MSH5: variants seen among roughly 807,000 people sequenced by gnomAD.
MSH5 encodes mutS protein homolog 5.
In MSH5, 78 loss-of-function variants were observed where a neutral mutation model predicts 107.7. The observed-to-expected ratio is 0.72, with a 90% CI of 0.60 to 0.87. The LOEUF is 0.87. Among genes scored for constraint, MSH5 ranks in the 40% least tolerant of loss-of-function variants. MSH5 has a pLI of 0.00. For synonymous variants in MSH5, 326 were observed against 399.5 expected (o/e 0.82, Z 2.19); for missense variants, 889 against 1,046.6 (o/e 0.85, Z 2.08).
intron 12 of MSH5, among the ~76,000 whole-genome samples, chr6:31,754,364 G>A (rs994928663): frequency 3.3e-5 from 5 of 152,088 alleles, no homozygotes; most frequent in African/African-American, 1.2e-4. Flanking sequence ...TGGCCAGGCT[G>A]GTCTCAAATT....
intron 10 of MSH5, among the ~76,000 whole-genome samples, 174 bp from the exon 11 acceptor site, chr6:31,753,127 T>C (rs1810111630): frequency 6.6e-6 from 1 of 152,242 alleles, no homozygotes; most frequent in Non-Finnish European, 1.5e-5. Context: ...TTTCAGTAGA[T>C]ACATGTAAAC....
rs1227414111 is a variant in MSH5, at chr6:31,761,407, T to C, written c.2038-65T>C. 6 of 1,606,886 alleles carry C rather than the reference T, an allele frequency of 3.7e-6. No homozygotes were observed. Among genetic ancestry groups the C allele is most frequent in the Admixed American group, 1.7e-5 (1 of 59,828 alleles). On this transcript the variant is annotated intron_variant, in intron 21 of 24. Coordinates refer to ENST00000375750, the MANE Select transcript of MSH5 (RefSeq NM_172166.4). This position sits in a 1 kb window ranked among gnomAD's most constrained non-coding sequence, Gnocchi z 5.3. ...TAGAACACGAGACAGGGAAAGGCAG[T>C]GCAAGTGCAGAGGGGCATATGGGGT... is the stretch of plus-strand genomic sequence containing the variant.
chr6:31,758,798 C>T lies in MSH5; in HGVS notation c.1249C>T (p.Leu417Phe), dbSNP rs1464099616. ...AAGACTGATGGGACTTCCCAGTTTC[C>T]TTACTGAGGTTGCCCGCAAGGAGCT... ...KRRLMGLPSF[L>F]TEVARKELEN... The change falls in exon 15 of 25, where the codon CTT (leucine) becomes TTT (phenylalanine). Residue 417 changes from leucine (L) to phenylalanine (F), a missense_variant. By Grantham distance (22) the Leu-to-Phe change is conservative (BLOSUM62 0). Around this residue, in one of 3 missense-constraint regions of MSH5, gnomAD observed 518 missense variants for 565.0 expected, o/e 0.92. Transcript: ENST00000375750. The surrounding 1 kb of genome is among the most constrained non-coding windows in gnomAD (Gnocchi z 5.1). 1 of 1,614,190 alleles carries T rather than the reference C, an allele frequency of 6.2e-7. No homozygotes were observed. Among genetic ancestry groups the T allele is most frequent in the South Asian group, 1.1e-5 (1 of 91,090 alleles).
Position 31,759,226 on chromosome 6 carries a change from C to T in MSH5, c.1407+49C>T. ...GTGAGTGATGAGGAAAATGAGTCAG[C>T]AGCTGAGGAAGAGCGTTACTCTACA... On this transcript the variant is annotated intron_variant, in intron 16 of 24. Coordinates refer to ENST00000375750, the MANE Select transcript of MSH5 (RefSeq NM_172166.4). This position sits in a 1 kb window ranked among gnomAD's most constrained non-coding sequence, Gnocchi z 4.7. 6.5e-7 allele frequency: 1 copy of T among 1,542,222 alleles called. No individual in the cohort carries two copies. The highest frequency in any genetic ancestry group is 1.1e-5 in the South Asian group (1 of 89,648).
At chr6:31,752,374 C>T (rs1482958169) in intron 10 of MSH5, among the ~76,000 whole-genome samples, 1 of 151,376 alleles carries the variant, frequency 6.6e-6, no homozygotes, top group Non-Finnish European at 1.5e-5. Context: ...CTACTGCACT[C>T]TAGCCTGGGC....
rs1245163682 is a variant in MSH5 at position 31,753,335 on chromosome 6, G to A, written c.847G>A (p.Glu283Lys). Residue 283 changes from glutamate (E) to lysine (K), a missense_variant, in exon 11 of 25, where the codon GAG (glutamate) becomes AAG (lysine). Transcript: ENST00000375750. ...WFTRPTHDLG[E>K]LSSRLDVIQF... is the part of the protein sequence containing the mutation. Reference sequence around the variant, plus strand: ...CACACGTCCGACTCATGACCTGGGGGAGCTCAGTTCTCGTCTGGACGTCAT... The same window carrying A: ...CACACGTCCGACTCATGACCTGGGGAAGCTCAGTTCTCGTCTGGACGTCAT... 5.6e-6 allele frequency: 9 copies of A among 1,614,068 alleles called. No homozygotes were observed. The highest frequency in any genetic ancestry group is 5.9e-6 in the Non-Finnish European group (7 of 1,179,962).
Position 31,759,239 on chromosome 6 carries a change from G to T in MSH5, c.1407+62G>T, listed in dbSNP as rs1346275776. 2 of 1,490,178 alleles carry T rather than the reference G, an allele frequency of 1.3e-6. No homozygotes were observed. The highest frequency in any genetic ancestry group is 4.5e-5 in the East Asian group (2 of 44,326). The allele number at this position is 1,490,178 out of a possible 1,614,324, so 92.3% of individuals were successfully genotyped here. On this transcript the variant is annotated intron_variant, in intron 16 of 24. Coordinates refer to ENST00000375750, the MANE Select transcript of MSH5 (RefSeq NM_172166.4). This position sits in a 1 kb window ranked among gnomAD's most constrained non-coding sequence, Gnocchi z 4.7. ...AAAATGAGTCAGCAGCTGAGGAAGA[G>T]CGTTACTCTACAGCAGCACTGCCCA...
At position 31,740,687 on chromosome 6, in the gene MSH5, G is replaced by A; in HGVS notation, c.147+74G>A. The A allele has an allele frequency of 1.4e-6, 2 of 1,410,936 alleles. No homozygotes were observed. The highest frequency in any genetic ancestry group is 3.0e-5 in the South Asian group (2 of 66,448). The allele number at this position is 1,410,936 out of a possible 1,614,324, so 87.4% of individuals were successfully genotyped here. A position where few individuals can be genotyped will look rare whatever the true frequency, so the allele number is the denominator to read the frequency against. On this transcript the variant is annotated intron_variant, in intron 2 of 24. Transcript: ENST00000375750. This position sits in a 1 kb window ranked among gnomAD's most constrained non-coding sequence, Gnocchi z 4.4. ...AATAAAAGAGGGTTGGGAGCCGGGC[G>A]CGGTGGCTCACACCTGTAATCTTAG...
chr6:31,740,420 G>A lies in MSH5; in HGVS notation c.-13-34G>A. 2 of 1,540,110 alleles carry A rather than the reference G, an allele frequency of 1.3e-6. No individual in the cohort carries two copies. The highest frequency in any genetic ancestry group is 8.8e-7 in the Non-Finnish European group (1 of 1,142,364). On this transcript the variant is annotated intron_variant, in intron 1 of 24. Transcript: ENST00000375750. The surrounding 1 kb of genome is among the most constrained non-coding windows in gnomAD (Gnocchi z 4.4). Reference sequence around the variant, plus strand: ...ACCCCGGCCTCCTCTGTGAATCGTTGCTTCCGAACCGCCCTCACTTTTTGC... The same window carrying A: ...ACCCCGGCCTCCTCTGTGAATCGTTACTTCCGAACCGCCCTCACTTTTTGC...
chr6:31,756,606 A>G (rs1467078152), intron 12 of MSH5: 1 of 152,150 alleles, frequency 6.6e-6, no homozygotes, highest in Non-Finnish European at 1.5e-5. Flanking sequence ...TAGAAATCAT[A>G]TAGAAATACA....
chr6:31,744,843 G>A (rs1809267442), intron 8 of MSH5, among the ~76,000 whole-genome samples: 1 of 152,100 alleles, frequency 6.6e-6, no homozygotes, highest in South Asian at 2.1e-4. Flanking sequence ...GCTGGGCGCG[G>A]TGGCTCATGC....
In MSH5 at chr6:31,740,547, G is replaced by A; in HGVS notation, c.81G>A (p.Pro27=). The A allele has an allele frequency of 6.5e-7, 1 of 1,529,298 alleles. No homozygotes were observed. The highest frequency in any genetic ancestry group is 8.8e-7 in the Non-Finnish European group (1 of 1,139,268). The allele number at this position is 1,529,298 out of a possible 1,614,324, so 94.7% of individuals were successfully genotyped here. A position where few individuals can be genotyped will look rare whatever the true frequency, so the allele number is the denominator to read the frequency against. The change falls in exon 2 of 25, where the codon CCG becomes CCA. Residue 27 remains proline, a synonymous_variant. Transcript: ENST00000375750. The surrounding 1 kb of genome is among the most constrained non-coding windows in gnomAD (Gnocchi z 4.4). The part of the protein sequence containing the change: ...PGAASSGFPS[P]APVPGPREAE... ...CGGCCTCCTCCGGCTTCCCCAGCCC[G>A]GCCCCAGTGCCGGGCCCCAGGGAGG...
intron 24 of MSH5, 67 bp from the exon 25 acceptor site, chr6:31,762,353 C>T: frequency 7.3e-7 from 1 of 1,362,802 alleles, no homozygotes; most frequent in Non-Finnish European, 1.0e-6. Flanking sequence ...GCCACAGCCT[C>T]TCCCCTCTGC....
intron 3 of MSH5, among the ~76,000 whole-genome samples, chr6:31,741,603 C>G (rs893629451): frequency 5.9e-5 from 9 of 152,114 alleles, no homozygotes; most frequent in Admixed American, 4.6e-4. Flanking sequence ...AGGGTGGTCT[C>G]AAACTCCTGA....
chr6:31,745,361 C>T (rs1163311328), intron 9 of MSH5, 42 bp downstream of exon 9: 8 of 1,402,198 alleles, frequency 5.7e-6, no homozygotes, highest in Non-Finnish European at 8.1e-6. Flanking sequence ...CAAAGACCTA[C>T]CAGAAAAGCA....
intron 3 of MSH5, among the ~76,000 whole-genome samples, chr6:31,741,764 TAAAA>T (rs9279402): frequency 6.8e-6 from 1 of 146,124 alleles, no homozygotes; most frequent in East Asian, 2.0e-4. Context: ...AGTAATTTGT[TAAAA>T]AAAAAAAAAA....
At position 31,761,355 on chromosome 6, in the gene MSH5, A is replaced by G; in HGVS notation, c.2037+93A>G. On this transcript the variant is annotated intron_variant, in intron 21 of 24. Coordinates refer to ENST00000375750, the MANE Select transcript of MSH5 (RefSeq NM_172166.4). The surrounding 1 kb of genome is among the most constrained non-coding windows in gnomAD (Gnocchi z 5.3). Reference sequence around the variant, plus strand: ...CAGTGAGGCTGGGCCTCTGGAATGGAATAGGGCTGTGTGGGCAGAAAAGAA... The same window carrying G: ...CAGTGAGGCTGGGCCTCTGGAATGGGATAGGGCTGTGTGGGCAGAAAAGAA... The G allele has an allele frequency of 6.2e-7, 1 of 1,605,500 alleles. No individual in the cohort carries two copies.
chr6:31,740,381 C>CT lies in MSH5; in HGVS notation c.-13-72dup. ...GCAGAAGTACTTAGTGCTTTGCATT[C>CT]TGCGCGCCACCCTACCCCGGCCTCC... On this transcript the variant is annotated intron_variant, in intron 1 of 24. Coordinates refer to ENST00000375750, the MANE Select transcript of MSH5 (RefSeq NM_172166.4). The surrounding 1 kb of genome is among the most constrained non-coding windows in gnomAD (Gnocchi z 4.4). The CT allele has an allele frequency of 6.7e-7, 1 of 1,486,058 alleles. No homozygotes were observed. The highest frequency in any genetic ancestry group is 9.0e-7 in the Non-Finnish European group (1 of 1,105,404). The allele number at this position is 1,486,058 out of a possible 1,614,324, so 92.1% of individuals were successfully genotyped here. A position where few individuals can be genotyped will look rare whatever the true frequency, so the allele number is the denominator to read the frequency against.
At position 31,759,776 on chromosome 6, in the gene MSH5, C is replaced by A. The variant is rs192714206; in HGVS notation, c.1496-10C>A. 1.9e-4 allele frequency: 304 copies of A among 1,611,636 alleles called. 1 individual carries two copies. Among genetic ancestry groups the A allele is most frequent in the Admixed American group, 1.3e-3 (80 of 60,016 alleles). On this transcript the variant is annotated splice_polypyrimidine_tract_variant and intron_variant, in intron 17 of 24. Transcript: ENST00000375750. The surrounding 1 kb of genome is among the most constrained non-coding windows in gnomAD (Gnocchi z 4.7). ...ACTGACCTCCAGCTCCCTTCCTCAC[C>A]CACTCCCAGACCAGGAGACGCTGCT...
Sources: gnomAD v4.1 joint callset for allele counts (sites outside exome capture counted in the v4.1 genomes callset) on GRCh38, gnomAD v4.1.1 for gene constraint, gnomAD v4.1.1 regional missense constraint, Gnocchi (gnomAD v3.1) non-coding constraint, MANE v1.5 for transcripts, NCBI Gene and HGNC (gene_info 2026-07-23, HGNC 2026-07-21) for gene names.